Variants in TAOK1 observed in about 807,000 individuals in gnomAD.
TAOK1 encodes TAO kinase 1, also known as serine/threonine-protein kinase TAO1.
TAOK1 carries 21 observed loss-of-function variants against 138.3 expected under a neutral mutation model. The ratio of observed to expected loss-of-function variants is 0.15; its 90% CI spans 0.11 to 0.22. The LOEUF is 0.22. TAOK1 is among the 10% of genes least tolerant of loss of function. The pLI is 1.00. For synonymous variants in TAOK1, 361 were observed against 398.4 expected, an observed-to-expected ratio of 0.91 and a Z score of 1.12; for missense variants, 651 against 1,227.7, an observed-to-expected ratio of 0.53 and a Z score of 7.02.
chr17:29,532,998 A>G (rs2032150295), intron 18 of TAOK1, among the ~76,000 whole-genome samples: 1 of 1,962 alleles, frequency 5.1e-4, no homozygotes, highest in African/African-American at 2.3e-3. Context: ...TGACCCCCCC[A>G]CCTCCAACCG....
intron 1 of TAOK1, chr17:29,424,723 G>A (rs2153022098): frequency 6.6e-6 from 1 of 152,190 alleles, no homozygotes; most frequent in Non-Finnish European, 1.5e-5. Flanking sequence ...TTAGAAAATA[G>A]TTTGAAGTTT....
intron 1 of TAOK1, among the ~76,000 whole-genome samples, chr17:29,415,615 G>A (rs917713300): frequency 6.6e-6 from 1 of 152,124 alleles, no homozygotes; most frequent in Admixed American, 6.6e-5. Flanking sequence ...ATCTTTTCGT[G>A]CACTCAGCCA....
At chr17:29,540,283 T>A (rs1245289858) in intron 19 of TAOK1, among the ~76,000 whole-genome samples, 1 of 152,248 alleles carries the variant, frequency 6.6e-6, no homozygotes, top group African/African-American at 2.4e-5. Context: ...CTGTACCATC[T>A]TCTTTGAGAC....
At position 29,542,813 on chromosome 17, in the gene TAOK1, T is replaced by C. The variant is rs1567750838; in HGVS notation, c.2797T>C (p.Trp933Arg). Residue 933 changes from tryptophan to arginine, a missense_variant, in exon 20 of 20, where the codon TGG becomes CGG. Physicochemically the swap from Trp to Arg is moderately radical, Grantham distance 101. Around this residue, in one of 8 missense-constraint regions of TAOK1, gnomAD observed 108 missense variants for 120.3 expected, o/e 0.90. Transcript: ENST00000261716. ...GHPMGGPPQA[W>R]GHPMQGGPQP... ...TCCCATGGGTGGCCCACCACAAGCT[T>C]GGGGCCATCCAATGCAAGGTGGACC... 1.2e-6 allele frequency: 2 copies of C among 1,614,050 alleles called. No homozygotes were observed. The highest frequency in any genetic ancestry group is 1.3e-5 in the African/African-American group (1 of 75,020).
intron 11 of TAOK1, among the ~76,000 whole-genome samples, chr17:29,497,388 AAAG>A (rs1364939442): frequency 1.3e-5 from 2 of 152,202 alleles, no homozygotes; most frequent in Admixed American, 6.5e-5. Flanking sequence ...ATACTTTAAT[AAAG>A]TGAAATTAAT....
chr17:29,508,504 GATT>G lies in TAOK1; in HGVS notation c.1575+376_1575+378del, dbSNP rs1281693610. On this transcript the variant is annotated intron_variant, in intron 14 of 19. Coordinates refer to ENST00000261716, the MANE Select transcript of TAOK1 (RefSeq NM_020791.4). ...CTAATAAGACATGGGACCATTTCCT[GATT>G]ATTGATAGTTTTGTAGTGTCACAAT... Among the ~76,000 whole-genome samples the G allele has an allele frequency of 2.0e-5, 3 of 152,090 alleles. No individual in the cohort carries two copies. In the East Asian group the frequency reaches 5.8e-4, roughly 29 times the overall value.
At chr17:29,414,797 G>A (rs552272744) in intron 1 of TAOK1, among the ~76,000 whole-genome samples, 41 of 152,092 alleles carry the variant, frequency 2.7e-4, no homozygotes, top group Non-Finnish European at 5.3e-4. Context: ...GACCTCAAGT[G>A]ATCCGCCCGC....
At chr17:29,498,205 C>G in intron 11 of TAOK1, 113 bp from the exon 12 acceptor site, 1 of 1,066,772 alleles carries the variant, frequency 9.4e-7, no homozygotes, top group Non-Finnish European at 1.4e-6. Flanking sequence ...TCATGATAGA[C>G]CAACTTTCTG....
At chr17:29,461,663 T>A (rs1249731087) in intron 2 of TAOK1, among the ~76,000 whole-genome samples, 1 of 152,200 alleles carries the variant, frequency 6.6e-6, no homozygotes, top group African/African-American at 2.4e-5. Flanking sequence ...ACTTCTGATC[T>A]AAAGGAAGGC....
chr17:29,474,890 G>A (rs1463376949), intron 3 of TAOK1, among the ~76,000 whole-genome samples: 1 of 151,356 alleles, frequency 6.6e-6, no homozygotes, highest in Non-Finnish European at 1.5e-5. Context: ...GTACAATAAA[G>A]CAAAGTGCTG....
chr17:29,399,334 G>C (rs2153019951), intron 1 of TAOK1, among the ~76,000 whole-genome samples: 1 of 151,202 alleles, frequency 6.6e-6, no homozygotes, highest in South Asian at 2.1e-4. Context: ...TATTTATTTT[G>C]AGACGGAGTC....
intron 13 of TAOK1, among the ~76,000 whole-genome samples, chr17:29,504,977 A>G (rs490120): frequency 0.2 from 29,923 of 152,156 alleles, 3,733 homozygotes; most frequent in Non-Finnish European, 0.27. Flanking sequence ...GTAACTTGGC[A>G]TAAGTTAAAT....
At chr17:29,423,088 TCCC>T (rs900045763) in intron 1 of TAOK1, among the ~76,000 whole-genome samples, 1 of 150,260 alleles carries the variant, frequency 6.7e-6, no homozygotes, top group Non-Finnish European at 1.5e-5. Flanking sequence ...TTCTTTTTTT[TCCC>T]CCATTTTTTT....
chr17:29,417,463 A>G (rs1337553959), intron 1 of TAOK1, among the ~76,000 whole-genome samples: 2 of 152,100 alleles, frequency 1.3e-5, no homozygotes, highest in Non-Finnish European at 2.9e-5. Flanking sequence ...ACAAAAGTTT[A>G]TTCTTAAATG....
intron 13 of TAOK1, among the ~76,000 whole-genome samples, chr17:29,505,785 A>G (rs2031619444): frequency 6.6e-6 from 1 of 152,092 alleles, no homozygotes; most frequent in African/African-American, 2.4e-5. Context: ...AATACAAAAA[A>G]TTAGCTGGGT....
intron 1 of TAOK1, among the ~76,000 whole-genome samples, chr17:29,446,853 T>C (rs1366856528): frequency 6.6e-6 from 1 of 151,382 alleles, no homozygotes; most frequent in Non-Finnish European, 1.5e-5. Flanking sequence ...ATTCTCCTGC[T>C]TCAGCCTCCT....
intron 1 of TAOK1, among the ~76,000 whole-genome samples, chr17:29,414,174 C>T (rs954598476): frequency 2.0e-5 from 3 of 148,886 alleles, no homozygotes; most frequent in Non-Finnish European, 4.5e-5. Context: ...TGAGCCACCA[C>T]GCCCAGCCTG....
chr17:29,435,700 A>T (rs1487356678), intron 1 of TAOK1, among the ~76,000 whole-genome samples: 2 of 152,240 alleles, frequency 1.3e-5, no homozygotes, highest in Non-Finnish European at 2.9e-5. Flanking sequence ...TTCGACTTCG[A>T]GCTTGACTCC....
intron 1 of TAOK1, among the ~76,000 whole-genome samples, chr17:29,449,686 C>T (rs2030184197): frequency 6.6e-6 from 1 of 151,822 alleles, no homozygotes; most frequent in Admixed American, 6.6e-5. Context: ...ACTAAAAATA[C>T]AAAAATTAGC....
Sources: allele counts gnomAD v4.1 joint callset (sites outside exome capture counted in the v4.1 genomes callset), GRCh38; gene constraint gnomAD v4.1.1; regional missense constraint gnomAD v4.1.1; transcripts MANE v1.5; gene names NCBI Gene and HGNC (gene_info 2026-07-23, HGNC 2026-07-21).